The following CD86 variants were observed in gnomAD, a reference collection of about 807,000 sequenced individuals.
CD86 encodes T-lymphocyte activation antigen CD86.
Under a neutral mutation model 32.1 loss-of-function variants are expected in CD86, and 11 were observed. The observed-to-expected ratio is 0.34, with a 90% CI of 0.22 to 0.57. The LOEUF is 0.57. Ranked by LOEUF, CD86 falls within the 20% of genes least tolerant of loss-of-function variation. The pLI is 0.86. For synonymous variants in CD86, 137 were observed against 135.3 expected (o/e 1.01, Z -0.09); for missense variants, 359 against 398.4 (o/e 0.90, Z 0.84).
chr3:122,102,197 T>C (rs1384983851), intron 2 of CD86, among the ~76,000 whole-genome samples: 2 of 152,052 alleles, frequency 1.3e-5, no homozygotes, highest in East Asian at 3.9e-4. Flanking sequence ...CACTTAGAAC[T>C]CTTCAAATGA....
chr3:122,063,295 T>A (rs2072364925), intron 1 of CD86, among the ~76,000 whole-genome samples: 1 of 152,190 alleles, frequency 6.6e-6, no homozygotes, highest in Non-Finnish European at 1.5e-5. Flanking sequence ...TATAAAAATG[T>A]TTATATATCT....
At chr3:122,065,410 A>C (rs776416132) in intron 1 of CD86, among the ~76,000 whole-genome samples, 3 of 152,204 alleles carry the variant, frequency 2.0e-5, no homozygotes, top group Non-Finnish European at 2.9e-5. Context: ...CAAAACAAAA[A>C]CCTTAATCAT....
chr3:122,113,413 C>A (rs974554330), intron 5 of CD86, among the ~76,000 whole-genome samples: 9 of 152,148 alleles, frequency 5.9e-5, no homozygotes, highest in Non-Finnish European at 1.3e-4. Context: ...ACTTTTAGTT[C>A]TTTAAGGAAT....
chr3:122,068,342 G>A (rs1024817035), intron 1 of CD86, among the ~76,000 whole-genome samples: 1 of 151,280 alleles, frequency 6.6e-6, no homozygotes, highest in African/African-American at 2.4e-5. Flanking sequence ...CCCTTCCCCT[G>A]CACACATAGA....
At chr3:122,090,697 A>G (rs1444533959) in intron 1 of CD86, among the ~76,000 whole-genome samples, 1 of 152,054 alleles carries the variant, frequency 6.6e-6, no homozygotes, top group Non-Finnish European at 1.5e-5. Flanking sequence ...TTGCTTCCTT[A>G]TAAGCCACTA....
intron 1 of CD86, among the ~76,000 whole-genome samples, chr3:122,068,937 G>T (rs185713453): frequency 6.6e-6 from 1 of 152,140 alleles, no homozygotes; most frequent in Non-Finnish European, 1.5e-5. Context: ...TTTAAAATAC[G>T]AAGAGAAGGA....
chr3:122,103,325 G>A (rs192964127), intron 2 of CD86, among the ~76,000 whole-genome samples, 187 bp from the exon 3 acceptor site: 1 of 152,242 alleles, frequency 6.6e-6, no homozygotes, highest in Admixed American at 6.5e-5. Context: ...TTTAGTCAGC[G>A]GTGAAGCAAG....
At chr3:122,096,687 G>A (rs548045073) in intron 2 of CD86, among the ~76,000 whole-genome samples, 1 of 152,310 alleles carries the variant, frequency 6.6e-6, no homozygotes, top group South Asian at 2.1e-4. Flanking sequence ...CTGAGACACA[G>A]GGAAGTTAAG....
At chr3:122,067,268 G>T (rs1197098278) in intron 1 of CD86, among the ~76,000 whole-genome samples, 1 of 152,176 alleles carries the variant, frequency 6.6e-6, no homozygotes, top group Admixed American at 6.5e-5. Flanking sequence ...TTAAAGGAAG[G>T]AAGTTTCATA....
At chr3:122,057,317 G>T (rs1022235971) in intron 1 of CD86, among the ~76,000 whole-genome samples, 1 of 152,028 alleles carries the variant, frequency 6.6e-6, no homozygotes, top group Non-Finnish European at 1.5e-5. Context: ...TCTTGCTATT[G>T]TTTCTAATAA....
At chr3:122,098,182 T>G (rs2072938996) in intron 2 of CD86, among the ~76,000 whole-genome samples, 1 of 152,162 alleles carries the variant, frequency 6.6e-6, no homozygotes, top group South Asian at 2.1e-4. Context: ...TACCGTGTCA[T>G]GTCATGTCAT....
At position 122,117,376 on chromosome 3, in the gene CD86, A is replaced by G. The variant is rs1470714937; in HGVS notation, c.848-672A>G. Among the ~76,000 whole-genome samples, 3 of 152,256 alleles carry G rather than the reference A, an allele frequency of 2.0e-5. No homozygotes were observed. In the East Asian group the frequency reaches 5.8e-4, roughly 29 times the overall value. On this transcript the variant is annotated intron_variant, in intron 5 of 6. Coordinates refer to ENST00000330540, the MANE Select transcript of CD86 (RefSeq NM_175862.5). ...TGCTCTATTTAGTAAAGACAGAATC[A>G]CAAAACCATCAGAGGTATTGTTGAG...
At position 122,065,969 on chromosome 3, in the gene CD86, C is replaced by A. The variant is rs540088116; in HGVS notation, c.14+10466C>A. 1.1e-4 allele frequency among the ~76,000 whole-genome samples: 17 copies of A among 152,138 alleles called. No individual in the cohort carries two copies. The East Asian group carries it at 3.3e-3, about 29-fold the overall frequency. ...TAATGTGTCCATTCTATGGCTGACC[C>A]AAGATTCTGTTTCCAGAAGACCTCT... On this transcript the variant is annotated intron_variant, in intron 1 of 6. Coordinates refer to ENST00000330540, the MANE Select transcript of CD86 (RefSeq NM_175862.5).
rs139520103 is a variant in CD86 at position 122,079,820 on chromosome 3, A to T, written c.15-11781A>T. 8.5e-5 allele frequency among the ~76,000 whole-genome samples: 13 copies of T among 152,310 alleles called. No homozygotes were observed. The East Asian group carries it at 2.5e-3, about 29-fold the overall frequency. ...CCCTGAGACCTCAACACCGGGAAGCATCTCGTTCCCTATCGGTCCTCCTTT... is the reference window on the plus strand; with the variant it reads ...CCCTGAGACCTCAACACCGGGAAGCTTCTCGTTCCCTATCGGTCCTCCTTT... On this transcript the variant is annotated intron_variant, in intron 1 of 6. Transcript: ENST00000330540.
intron 6 of CD86, 144 bp from the exon 7 acceptor site, chr3:122,119,294 C>T (rs2073305418): frequency 6.1e-6 from 4 of 652,236 alleles, no homozygotes; most frequent in African/African-American, 3.7e-5. Flanking sequence ...TTTTCTCTTG[C>T]TTTCTCCACC....
chr3:122,091,479 G>T (rs986884841), intron 1 of CD86, 122 bp from the exon 2 acceptor site: 11 of 756,550 alleles, frequency 1.5e-5, no homozygotes, highest in Admixed American at 7.9e-5. Context: ...CCCTGGCATT[G>T]TCTCTGCACA....
Position 122,093,863 on chromosome 3 carries a change from C to T in CD86, c.64+2213C>T, listed in dbSNP as rs139544074. Among the ~76,000 whole-genome samples the T allele has an allele frequency of 3.5e-3, 529 of 152,276 alleles. 4 individuals carry two copies. The highest frequency in any genetic ancestry group is 0.011 in the African/African-American group (444 of 41,564). On this transcript the variant is annotated intron_variant, in intron 2 of 6. Coordinates refer to ENST00000330540, the MANE Select transcript of CD86 (RefSeq NM_175862.5). ...AGAGATGAAGTAATTTACCCAAGATCGACAGAGCTACTAAGTGGCAGAGCT... is the reference window on the plus strand; with the variant it reads ...AGAGATGAAGTAATTTACCCAAGATTGACAGAGCTACTAAGTGGCAGAGCT...
intron 2 of CD86, 27 bp downstream of exon 2, chr3:122,091,677 C>T: frequency 6.3e-7 from 1 of 1,593,286 alleles, no homozygotes; most frequent in South Asian, 1.1e-5. Context: ...TTTGTTAAGT[C>T]CTGGAATCCT....
chr3:122,077,717 C>T, intron 1 of CD86: 1 of 973,466 alleles, frequency 1.0e-6, no homozygotes, highest in Non-Finnish European at 1.2e-6. Context: ...TTTCCCAGGG[C>T]TTTACACTCA....
Sources: allele counts gnomAD v4.1 joint callset (sites outside exome capture counted in the v4.1 genomes callset), GRCh38; gene constraint gnomAD v4.1.1; transcripts MANE v1.5; gene names NCBI Gene and HGNC (gene_info 2026-07-23, HGNC 2026-07-21).